The following TRAPPC9 variants were observed in gnomAD, a reference collection of about 807,000 sequenced individuals.
TRAPPC9 encodes trafficking protein particle complex subunit 9, also known as IKK2 binding protein.
TRAPPC9 carries 83 observed loss-of-function variants against 124.0 expected under a neutral mutation model. The ratio of observed to expected loss-of-function variants is 0.67; its 90% CI spans 0.56 to 0.80. The LOEUF (loss-of-function observed/expected upper bound fraction) is 0.80. TRAPPC9 is among the 30% of genes least tolerant of loss of function. The pLI is 0.00. For missense variants in TRAPPC9, 1,302 were observed against 1,508.3 expected, an observed-to-expected ratio of 0.86 and a Z score of 2.27; for synonymous variants, 638 against 617.5, an observed-to-expected ratio of 1.03 and a Z score of -0.49.
In TRAPPC9 at chr8:139,791,335, ACG is replaced by A. The variant is rs1491571300; in HGVS notation, c.3056-59135_3056-59134del. The stretch of plus-strand genomic sequence containing the variant: ...CCGTCTCCCCTGCACAGACACACAC[ACG>A]CTCACACTCACACAGGCGCTCATCT... On this transcript the variant is annotated intron_variant, in intron 21 of 22. Transcript: ENST00000438773. Among the ~76,000 whole-genome samples, 205 of 133,160 alleles carry A rather than the reference ACG, an allele frequency of 1.5e-3. 1 individual carries two copies. Among genetic ancestry groups the A allele is most frequent in the Non-Finnish European group, 2.7e-3 (162 of 60,158 alleles). The allele number at this position is 133,160 out of a possible 152,430, so 87.4% of individuals were successfully genotyped here. A position where few individuals can be genotyped will look rare whatever the true frequency, so the allele number is the denominator to read the frequency against.
At chr8:140,389,492 G>A (rs1001995631) in intron 7 of TRAPPC9, among the ~76,000 whole-genome samples, 1 of 152,174 alleles carries the variant, frequency 6.6e-6, no homozygotes, top group African/African-American at 2.4e-5. Context: ...GCTGGCGAGT[G>A]CCACAGGATG....
chr8:139,788,228 C>T lies in TRAPPC9; in HGVS notation c.3056-56026G>A. Among the ~76,000 whole-genome samples, 1 of 152,304 alleles carries T rather than the reference C, an allele frequency of 6.6e-6. No individual in the cohort carries two copies. Among genetic ancestry groups the T allele is most frequent in the Non-Finnish European group, 1.5e-5 (1 of 68,024 alleles). On this transcript the variant is annotated intron_variant, in intron 21 of 22. Coordinates refer to ENST00000438773, the MANE Select transcript of TRAPPC9 (RefSeq NM_001160372.4). The surrounding 1 kb of genome is among the most constrained non-coding windows in gnomAD (Gnocchi z 4.9). The stretch of plus-strand genomic sequence containing the variant: ...TGGCAGGGCAGCCCCTCCTGTGGCC[C>T]AGGACTCTGCTGAGCTTCAGGTCCT...
intron 21 of TRAPPC9, among the ~76,000 whole-genome samples, chr8:139,878,755 G>A (rs1211260260): frequency 2.6e-5 from 4 of 152,138 alleles, no homozygotes; most frequent in East Asian, 1.9e-4. Flanking sequence ...GCTTGAGGCC[G>A]GGAGTTCAAG....
chr8:140,021,314 C>T (rs985372752), intron 18 of TRAPPC9, among the ~76,000 whole-genome samples: 1 of 152,216 alleles, frequency 6.6e-6, no homozygotes, highest in Non-Finnish European at 1.5e-5. Flanking sequence ...TAGCTGATCA[C>T]ATCTTAACTT....
At chr8:140,057,933 G>C (rs1247326033) in intron 17 of TRAPPC9, among the ~76,000 whole-genome samples, 1 of 152,224 alleles carries the variant, frequency 6.6e-6, no homozygotes, top group East Asian at 1.9e-4. Context: ...AGCTCTAGTG[G>C]AGGTGGTCCT....
chr8:139,737,430 A>T (rs1818253944), intron 21 of TRAPPC9, among the ~76,000 whole-genome samples: 1 of 82,646 alleles, frequency 1.2e-5, no homozygotes, highest in Non-Finnish European at 2.6e-5. Flanking sequence ...CCCGCAGAGC[A>T]CCTTCCCACA....
At chr8:140,113,487 C>T (rs148648157) in intron 17 of TRAPPC9, among the ~76,000 whole-genome samples, 1 of 152,294 alleles carries the variant, frequency 6.6e-6, no homozygotes, top group East Asian at 1.9e-4. Context: ...ATTTCTATGT[C>T]AAGGATGGGG....
intron 2 of TRAPPC9, among the ~76,000 whole-genome samples, chr8:140,445,686 T>C (rs2071223962): frequency 6.6e-6 from 1 of 152,256 alleles, no homozygotes; most frequent in South Asian, 2.1e-4. Flanking sequence ...AATACATTCA[T>C]GTCTCTTCTG....
intron 18 of TRAPPC9, among the ~76,000 whole-genome samples, chr8:140,012,825 C>G (rs1839221880): frequency 6.6e-6 from 1 of 152,318 alleles, no homozygotes; most frequent in Non-Finnish European, 1.5e-5. Flanking sequence ...CTCCCATGAG[C>G]CTCTGAAGGG....
chr8:139,994,436 CAG>C (rs1837840879), intron 18 of TRAPPC9, among the ~76,000 whole-genome samples: 1 of 152,230 alleles, frequency 6.6e-6, no homozygotes, highest in South Asian at 2.1e-4. Flanking sequence ...ATGCACTGTG[CAG>C]AGAGACTACC....
intron 3 of TRAPPC9, among the ~76,000 whole-genome samples, chr8:140,437,517 G>C (rs1429318498): frequency 6.6e-6 from 1 of 152,126 alleles, no homozygotes; most frequent in Admixed American, 6.5e-5. Context: ...CCAGCTACTC[G>C]GAAGGCTGAG....
intron 17 of TRAPPC9, among the ~76,000 whole-genome samples, chr8:140,148,034 C>T (rs1460889675): frequency 6.6e-6 from 1 of 152,212 alleles, no homozygotes; most frequent in African/African-American, 2.4e-5. Flanking sequence ...GCTCTGGCCC[C>T]GGGGGCACAG....
rs143281921 is a variant in TRAPPC9 at position 140,188,028 on chromosome 8, G to C, written c.2556+33431C>G. On this transcript the variant is annotated intron_variant, in intron 17 of 22. Coordinates refer to ENST00000438773, the MANE Select transcript of TRAPPC9 (RefSeq NM_001160372.4). ...CCTGTACATCCTCTGGGCTCATCTG[G>C]CTCTTCTCATTTTTCCAGTTTACTC... Among the ~76,000 whole-genome samples, 320 of 152,212 alleles carry C rather than the reference G, an allele frequency of 2.1e-3. 1 individual carries two copies. The highest frequency in any genetic ancestry group is 7.4e-3 in the African/African-American group (308 of 41,528).
chr8:140,404,909 C>CGCGTGT (rs1472521710), intron 6 of TRAPPC9, among the ~76,000 whole-genome samples: 14 of 119,964 alleles, frequency 1.2e-4, no homozygotes, highest in Non-Finnish European at 9.6e-5. Context: ...TGTGAGCATG[C>CGCGTGT]GTGTGTGTGT....
intron 9 of TRAPPC9, among the ~76,000 whole-genome samples, chr8:140,324,770 A>T (rs1158412195): frequency 4.6e-5 from 7 of 152,244 alleles, no homozygotes; most frequent in Admixed American, 4.6e-4. Flanking sequence ...ACCCTGTCTC[A>T]AAAATAAATA....
chr8:140,080,519 T>C (rs916278435), intron 17 of TRAPPC9, among the ~76,000 whole-genome samples: 12 of 152,346 alleles, frequency 7.9e-5, no homozygotes, highest in African/African-American at 2.9e-4. Flanking sequence ...CCAGAGGGCA[T>C]ATGCAAAGAG....
intron 9 of TRAPPC9, among the ~76,000 whole-genome samples, chr8:140,354,560 G>A (rs985758172): frequency 3.9e-5 from 6 of 152,310 alleles, no homozygotes; most frequent in African/African-American, 9.6e-5. Context: ...CGATGATGCT[G>A]TCTTCAACTG....
At chr8:140,135,280 T>C (rs757261407) in intron 17 of TRAPPC9, among the ~76,000 whole-genome samples, 6 of 152,126 alleles carry the variant, frequency 3.9e-5, no homozygotes, top group Non-Finnish European at 7.3e-5. Context: ...AAGCATAGAA[T>C]CCTCGTAAGT....
At chr8:139,833,653 C>T (rs939134259) in intron 21 of TRAPPC9, among the ~76,000 whole-genome samples, 13 of 152,228 alleles carry the variant, frequency 8.5e-5, no homozygotes, top group African/African-American at 3.1e-4. Context: ...CCAGACGTGG[C>T]CTTCCCAGCA....
Sources: allele counts gnomAD v4.1 joint callset (sites outside exome capture counted in the v4.1 genomes callset), GRCh38; gene constraint gnomAD v4.1.1; non-coding constraint Gnocchi (gnomAD v3.1); transcripts MANE v1.5; gene names NCBI Gene and HGNC (gene_info 2026-07-23, HGNC 2026-07-21).